Variants in NUDCD3 observed in about 807,000 individuals in gnomAD.
NUDCD3 encodes NudC domain containing 3, also known as nudC domain-containing protein 3.
Under a neutral mutation model 39.7 loss-of-function variants are expected in NUDCD3, and 13 were observed. That is an observed-to-expected ratio of 0.33 (90% CI 0.21 to 0.52). The LOEUF (loss-of-function observed/expected upper bound fraction) is 0.52, where lower values mean the gene tolerates loss of function less well. NUDCD3 is among the 20% of genes least tolerant of loss of function. The pLI, the probability that NUDCD3 is intolerant of heterozygous loss-of-function variation, is 0.96. For missense variants in NUDCD3, 453 were observed against 458.1 expected, an observed-to-expected ratio of 0.99 and a Z score of 0.10; for synonymous variants, 175 against 172.4, an observed-to-expected ratio of 1.02 and a Z score of -0.12.
chr7:44,476,960 A>C (rs150379831), intron 2 of NUDCD3, among the ~76,000 whole-genome samples: 51 of 152,340 alleles, frequency 3.3e-4, no homozygotes, highest in African/African-American at 1.1e-3. Flanking sequence ...CAGCCTGATG[A>C]TGATGATGAA....
Position 44,490,480 on chromosome 7 carries a change from A to G in NUDCD3, c.121T>C (p.Tyr41His). ...TCCGATGGGTGGCGCAGCAAGCGAT[A>G]GAAGTCTGTCTTGCGGTAGAGGAAG... ...FGFLYRKTDF[Y>H]RLLRHPSDRM... The change falls in exon 1 of 6, where the codon TAT becomes CAT. Residue 41 changes from tyrosine to histidine, a missense_variant. Physicochemically the swap from Tyr to His is moderately conservative, Grantham distance 83 (BLOSUM62 2). Transcript: ENST00000355451. 2 of 1,608,470 alleles carry G rather than the reference A, an allele frequency of 1.2e-6. No individual in the cohort carries two copies.
At position 44,431,668 on chromosome 7, in the gene NUDCD3, CTTTTTTTTTTTTTT is replaced by C. The variant is rs755819096; in HGVS notation, c.510-3979_510-3966del. On this transcript the variant is annotated intron_variant, in intron 2 of 5. Coordinates refer to ENST00000355451, the MANE Select transcript of NUDCD3 (RefSeq NM_015332.4). Reference sequence around the variant, plus strand: ...GAAACAAAAAGGTCCTCTCTCCTTCCTTTTTTTTTTTTTTTTTTTTTTGAGACGGAGTCTCACTC... The same window carrying C: ...GAAACAAAAAGGTCCTCTCTCCTTCCTTTTTTTTGAGACGGAGTCTCACTC... Among the ~76,000 whole-genome samples, 127 of 120,838 alleles carry C rather than the reference CTTTTTTTTTTTTTT, an allele frequency of 1.1e-3. 2 individuals carry two copies. The highest frequency in any genetic ancestry group is 3.7e-3 in the African/African-American group (122 of 32,538). 79.3% of individuals were successfully genotyped at this position (120,838 alleles called of 152,430 possible). A position where few individuals can be genotyped will look rare whatever the true frequency, so the allele number is the denominator to read the frequency against.
At position 44,483,534 on chromosome 7, in the gene NUDCD3, C is replaced by T. The variant is rs2116982319; in HGVS notation, c.509+1434G>A. On this transcript the variant is annotated intron_variant, in intron 2 of 5. Transcript: ENST00000355451. ...ACTCCCCACTTCCAATCTCTAAATC[C>T]TTATTTCACCCCTTCTCATCCAGAG... Among the ~76,000 whole-genome samples, 3 of 152,232 alleles carry T rather than the reference C, an allele frequency of 2.0e-5. No individual in the cohort carries two copies. In the South Asian group the frequency reaches 6.2e-4, roughly 32 times the overall value.
At chr7:44,420,254 T>C (rs910638010) in intron 3 of NUDCD3, among the ~76,000 whole-genome samples, 1 of 151,802 alleles carries the variant, frequency 6.6e-6, no homozygotes, top group Admixed American at 6.6e-5. Flanking sequence ...ATATCTGAGA[T>C]TGAAGATCAA....
At chr7:44,441,108 T>C (rs907020084) in intron 2 of NUDCD3, among the ~76,000 whole-genome samples, 2 of 152,220 alleles carry the variant, frequency 1.3e-5, no homozygotes, top group African/African-American at 2.4e-5. Flanking sequence ...GCACTTGATA[T>C]AGCAAATTCT....
At chr7:44,398,160 C>T (rs891108781) in intron 4 of NUDCD3, among the ~76,000 whole-genome samples, 1 of 152,230 alleles carries the variant, frequency 6.6e-6, no homozygotes, top group African/African-American at 2.4e-5. Context: ...CTGCCGGTCC[C>T]ATCTGTCCCA....
In NUDCD3 at chr7:44,462,986, TG is replaced by T. The variant is rs1800047066; in HGVS notation, c.509+21981del. ...GTGTGTGTGTGTGTGTGTGTGTGTG[TG>T]TGTATACACAAAGATACAAAAGATT... On this transcript the variant is annotated intron_variant, in intron 2 of 5. Transcript: ENST00000355451. Among the ~76,000 whole-genome samples the T allele has an allele frequency of 2.8e-5, 4 of 143,882 alleles. No individual in the cohort carries two copies. The South Asian group carries it at 8.6e-4, about 31-fold the overall frequency. 94.4% of individuals were successfully genotyped at this position (143,882 alleles called of 152,430 possible). A position where few individuals can be genotyped will look rare whatever the true frequency, so the allele number is the denominator to read the frequency against.
At chr7:44,468,344 AACTGC>A in intron 2 of NUDCD3, 1 of 1,235,624 alleles carries the variant, frequency 8.1e-7, no homozygotes, top group South Asian at 1.3e-5. Flanking sequence ...TAAATGTAAA[AACTGC>A]AAAAAAAAAA....
intron 2 of NUDCD3, among the ~76,000 whole-genome samples, chr7:44,475,256 C>T (rs1363404433): frequency 6.6e-6 from 1 of 151,960 alleles, no homozygotes; most frequent in African/African-American, 2.4e-5. Flanking sequence ...GGACTACAGG[C>T]ATGCACCACC....
chr7:44,449,506 G>A (rs1478178946), intron 2 of NUDCD3, among the ~76,000 whole-genome samples: 1 of 152,158 alleles, frequency 6.6e-6, no homozygotes, highest in Non-Finnish European at 1.5e-5. Flanking sequence ...CAAAATAAAA[G>A]GGAATAATGT....
intron 1 of NUDCD3, among the ~76,000 whole-genome samples, chr7:44,489,340 C>G (rs1161786639): frequency 1.3e-5 from 2 of 152,224 alleles, no homozygotes; most frequent in African/African-American, 2.4e-5. Flanking sequence ...AAATTGAATC[C>G]TAATGGAACC....
chr7:44,388,264 A>G (rs992931090), intron 5 of NUDCD3, among the ~76,000 whole-genome samples: 4 of 152,230 alleles, frequency 2.6e-5, no homozygotes, highest in African/African-American at 7.2e-5. Flanking sequence ...TGAACGGCAG[A>G]TGGAGGCTGA....
At chr7:44,430,771 T>A (rs1799349317) in intron 2 of NUDCD3, among the ~76,000 whole-genome samples, 1 of 152,316 alleles carries the variant, frequency 6.6e-6, no homozygotes, top group Admixed American at 6.5e-5. Flanking sequence ...ACTTGGCCTA[T>A]ACCACCAGTG....
At chr7:44,447,105 T>G (rs950272295) in intron 2 of NUDCD3, among the ~76,000 whole-genome samples, 4 of 152,222 alleles carry the variant, frequency 2.6e-5, no homozygotes, top group African/African-American at 9.7e-5. Flanking sequence ...ATGAGGCCAT[T>G]TCATTCCCTA....
At chr7:44,436,060 A>G (rs1326061047) in intron 2 of NUDCD3, among the ~76,000 whole-genome samples, 1 of 152,152 alleles carries the variant, frequency 6.6e-6, no homozygotes, top group Non-Finnish European at 1.5e-5. Flanking sequence ...GAATCATAAG[A>G]TCTATCAAAT....
At chr7:44,412,951 A>AAG (rs1554489212) in intron 3 of NUDCD3, among the ~76,000 whole-genome samples, 8,126 of 143,274 alleles carry the variant, frequency 0.057, 377 homozygotes, top group Non-Finnish European at 0.095. Flanking sequence ...AAGAAAAAAA[A>AAG]AAAGAAAGAA....
intron 2 of NUDCD3, among the ~76,000 whole-genome samples, chr7:44,433,811 TG>T (rs1799415832): frequency 6.6e-6 from 1 of 152,150 alleles, no homozygotes; most frequent in Admixed American, 6.5e-5. Context: ...CAACCTCATA[TG>T]GCTCCCCACG....
chr7:44,386,220 C>T, intron 5 of NUDCD3, 99 bp from the exon 6 acceptor site: 1 of 1,294,592 alleles, frequency 7.7e-7, no homozygotes, highest in Non-Finnish European at 1.1e-6. Flanking sequence ...TTCTTGCTTC[C>T]TCAGGGCTCA....
At chr7:44,462,945 CTGTGTG>C (rs3138779) in intron 2 of NUDCD3, among the ~76,000 whole-genome samples, 68,852 of 146,552 alleles carry the variant, frequency 0.47, 16,006 homozygotes, top group East Asian at 0.7. Context: ...CACAACCAGG[CTGTGTG>C]TGTGTGTGTG....
Sources: gnomAD v4.1 joint callset for allele counts (sites outside exome capture counted in the v4.1 genomes callset) on GRCh38, gnomAD v4.1.1 for gene constraint, MANE v1.5 for transcripts, NCBI Gene and HGNC (gene_info 2026-07-23, HGNC 2026-07-21) for gene names.